Variants in RALGAPA2 observed in about 807,000 individuals in gnomAD.
RALGAPA2 encodes the protein ral GTPase-activating protein subunit alpha-2.
A neutral mutation model predicts 230.4 loss-of-function variants in RALGAPA2; 139 were observed. The ratio of observed to expected loss-of-function variants is 0.60; its 90% confidence interval spans 0.53 to 0.69. The LOEUF (loss-of-function observed/expected upper bound fraction) is 0.69, where lower values mean the gene tolerates loss of function less well. Among genes scored for constraint, RALGAPA2 ranks in the 30% least tolerant of loss-of-function variants. The probability of loss-of-function intolerance (pLI) is 0.00; values close to 1 mark genes in which losing one functional copy is unlikely to be tolerated. For synonymous variants in RALGAPA2, 847 were observed against 837.8 expected (o/e 1.01, Z -0.19); for missense variants, 2,163 against 2,276.0 (o/e 0.95, Z 1.01).
chr20:20,415,016 A>C (rs1475083661), intron 37 of RALGAPA2, among the ~76,000 whole-genome samples: 1 of 152,276 alleles, frequency 6.6e-6, no homozygotes, highest in African/African-American at 2.4e-5. Flanking sequence ...TAGCTCTGGC[A>C]GCGTTTAGAA....
chr20:20,609,784 T>C (rs1010068320), intron 14 of RALGAPA2, among the ~76,000 whole-genome samples: 1 of 152,192 alleles, frequency 6.6e-6, no homozygotes, highest in Admixed American at 6.5e-5. Flanking sequence ...GCAGTGTCCA[T>C]ATGTCCAGGC....
At chr20:20,462,919 T>C (rs2061336019) in intron 37 of RALGAPA2, among the ~76,000 whole-genome samples, 1 of 152,248 alleles carries the variant, frequency 6.6e-6, no homozygotes, top group Non-Finnish European at 1.5e-5. Flanking sequence ...CAGAGTCCAC[T>C]AAACGTTCTG....
At chr20:20,404,052 G>A (rs1377040924) in intron 38 of RALGAPA2, among the ~76,000 whole-genome samples, 2 of 152,200 alleles carry the variant, frequency 1.3e-5, no homozygotes, top group Admixed American at 1.3e-4. Flanking sequence ...TAGGTGGAAC[G>A]TGTCCTCTAT....
chr20:20,504,904 A>G, intron 34 of RALGAPA2: 1 of 812,764 alleles, frequency 1.2e-6, no homozygotes, highest in Non-Finnish European at 1.5e-6. Flanking sequence ...GTACCATTTA[A>G]TAAAGAAAAA....
intron 1 of RALGAPA2, among the ~76,000 whole-genome samples, chr20:20,696,298 CTT>C (rs967279307): frequency 6.6e-6 from 1 of 152,208 alleles, no homozygotes; most frequent in African/African-American, 2.4e-5. Flanking sequence ...TCCCTCTTCT[CTT>C]GTCTGCCTCC....
At chr20:20,507,889 A>G (rs1490362146) in intron 33 of RALGAPA2, among the ~76,000 whole-genome samples, 1 of 152,226 alleles carries the variant, frequency 6.6e-6, no homozygotes, top group East Asian at 1.9e-4. Context: ...GGAGAAGTAT[A>G]GTTATTCAGT....
In RALGAPA2 at chr20:20,545,627, A is replaced by T. The variant is rs2063757232; in HGVS notation, c.3285+1077T>A. ...GGATGGCAACACTGATTTCGACACCAATGCTTAGCAAATAGTAAAGCTAAT... is the reference window on the plus strand; with the variant it reads ...GGATGGCAACACTGATTTCGACACCTATGCTTAGCAAATAGTAAAGCTAAT... On this transcript the variant is annotated intron_variant, in intron 24 of 39. Coordinates refer to ENST00000202677, the MANE Select transcript of RALGAPA2 (RefSeq NM_020343.4). Among the ~76,000 whole-genome samples, 3 of 152,216 alleles carry T rather than the reference A, an allele frequency of 2.0e-5. No individual in the cohort carries two copies. In the South Asian group the frequency reaches 6.2e-4, roughly 32 times the overall value.
At chr20:20,479,648 C>G (rs1156937292) in intron 36 of RALGAPA2, among the ~76,000 whole-genome samples, 1 of 152,146 alleles carries the variant, frequency 6.6e-6, no homozygotes, top group Non-Finnish European at 1.5e-5. Context: ...TCTAGAATAC[C>G]TACAGAATTC....
chr20:20,580,185 A>C (rs1052158803), intron 20 of RALGAPA2, among the ~76,000 whole-genome samples: 3 of 152,142 alleles, frequency 2.0e-5, no homozygotes, highest in Non-Finnish European at 2.9e-5. Context: ...CCCTCCCCTG[A>C]CTATTTCAAC....
At chr20:20,434,542 T>C (rs1231544283) in intron 37 of RALGAPA2, among the ~76,000 whole-genome samples, 1 of 152,058 alleles carries the variant, frequency 6.6e-6, no homozygotes, top group Non-Finnish European at 1.5e-5. Context: ...TGCTCAGAAG[T>C]GAAGACCAGG....
At chr20:20,511,211 A>G in intron 33 of RALGAPA2, 43 bp downstream of exon 33, 1 of 1,548,062 alleles carries the variant, frequency 6.5e-7, no homozygotes, top group Non-Finnish European at 8.7e-7. Flanking sequence ...AAGAATACCC[A>G]AAGACAAACA....
intron 23 of RALGAPA2, among the ~76,000 whole-genome samples, chr20:20,563,127 A>G (rs2064308329): frequency 6.6e-6 from 1 of 152,258 alleles, no homozygotes; most frequent in African/African-American, 2.4e-5. Context: ...ACATGTCAGG[A>G]GAGGACTGTC....
intron 3 of RALGAPA2, among the ~76,000 whole-genome samples, chr20:20,669,574 T>A (rs555223800): frequency 6.6e-6 from 1 of 152,300 alleles, no homozygotes; most frequent in Non-Finnish European, 1.5e-5. Flanking sequence ...GCTGAAATTA[T>A]TCAAACTATC....
chr20:20,608,294 T>C (rs1377550738), intron 14 of RALGAPA2, among the ~76,000 whole-genome samples: 2 of 152,166 alleles, frequency 1.3e-5, no homozygotes, highest in Non-Finnish European at 2.9e-5. Flanking sequence ...TAATGGCTCA[T>C]ATTACAAAGA....
chr20:20,416,956 C>T (rs915949693), intron 37 of RALGAPA2, among the ~76,000 whole-genome samples: 1 of 152,206 alleles, frequency 6.6e-6, no homozygotes, highest in Non-Finnish European at 1.5e-5. Context: ...AGTTTGCGTA[C>T]CCACCTCAGT....
chr20:20,693,600 G>T (rs1191568716), intron 1 of RALGAPA2, among the ~76,000 whole-genome samples: 1 of 152,168 alleles, frequency 6.6e-6, no homozygotes, highest in Non-Finnish European at 1.5e-5. Flanking sequence ...TGAGGAGAGT[G>T]TTTACAGCTG....
intron 1 of RALGAPA2, among the ~76,000 whole-genome samples, chr20:20,711,425 A>G (rs538153784): frequency 6.6e-6 from 1 of 152,358 alleles, no homozygotes; most frequent in South Asian, 2.1e-4. Flanking sequence ...AAGTGTGTCT[A>G]TAGATAGCAA....
At chr20:20,656,923 T>C (rs927392281) in intron 3 of RALGAPA2, among the ~76,000 whole-genome samples, 5 of 152,134 alleles carry the variant, frequency 3.3e-5, no homozygotes, top group African/African-American at 9.7e-5. Context: ...AAACACAATC[T>C]GGAGATGGCC....
chr20:20,420,272 C>A (rs2060249997), intron 37 of RALGAPA2, among the ~76,000 whole-genome samples: 1 of 152,128 alleles, frequency 6.6e-6, no homozygotes, highest in South Asian at 2.1e-4. Flanking sequence ...GGCAAGGAAG[C>A]AACATGATGT....
Sources: gnomAD v4.1 joint callset for allele counts (sites outside exome capture counted in the v4.1 genomes callset) on GRCh38, gnomAD v4.1.1 for gene constraint, MANE v1.5 for transcripts, NCBI Gene and HGNC (gene_info 2026-07-23, HGNC 2026-07-21) for gene names.